The following CCDC148 variants were observed in gnomAD, a reference collection of about 807,000 sequenced individuals.
CCDC148 encodes the protein coiled-coil domain-containing protein 148.
Under a neutral mutation model 85.7 loss-of-function variants are expected in CCDC148, and 89 were observed. That is an observed-to-expected ratio of 1.04 (90% CI 0.87 to 1.24). The LOEUF is 1.24. Among genes scored for constraint, CCDC148 ranks in the 50% most tolerant of loss-of-function variants. The pLI, the probability that CCDC148 is intolerant of heterozygous loss-of-function variation, is 0.00. For synonymous variants in CCDC148, 230 were observed against 213.9 expected, an observed-to-expected ratio of 1.08 and a Z score of -0.66; for missense variants, 692 against 671.7, an observed-to-expected ratio of 1.03 and a Z score of -0.33.
At chr2:158,302,161 T>C (rs1168213921) in intron 9 of CCDC148, among the ~76,000 whole-genome samples, 1 of 152,050 alleles carries the variant, frequency 6.6e-6, no homozygotes, top group Non-Finnish European at 1.5e-5. Flanking sequence ...ACACCCTTCA[T>C]CTAGAGGAAG....
At position 158,202,507 on chromosome 2, in the gene CCDC148, C is replaced by T. The variant is rs138978650; in HGVS notation, c.1370+18088G>A. ...TTTAAGCAGCAATACTGATGTTCCC[C>T]GCTTCTTCCACCATCCTGCTAGACC... On this transcript the variant is annotated intron_variant, in intron 11 of 13. Coordinates refer to ENST00000283233, the MANE Select transcript of CCDC148 (RefSeq NM_138803.4). Among the ~76,000 whole-genome samples, 271 of 152,262 alleles carry T rather than the reference C, an allele frequency of 1.8e-3. 4 individuals carry two copies. The highest frequency in any genetic ancestry group is 0.017 in the East Asian group (89 of 5,168).
At chr2:158,278,194 G>A (rs972760160) in intron 9 of CCDC148, among the ~76,000 whole-genome samples, 7 of 152,150 alleles carry the variant, frequency 4.6e-5, no homozygotes, top group African/African-American at 1.7e-4. Context: ...CCCAGTGTGA[G>A]TGACGCAGAA....
chr2:158,280,184 A>T (rs1248566914), intron 9 of CCDC148, among the ~76,000 whole-genome samples: 1 of 152,246 alleles, frequency 6.6e-6, no homozygotes, highest in Non-Finnish European at 1.5e-5. Context: ...GCCAAAATGT[A>T]AAGAGCATCG....
intron 2 of CCDC148, among the ~76,000 whole-genome samples, chr2:158,356,945 A>G (rs1464171910): frequency 6.8e-6 from 1 of 148,126 alleles, no homozygotes; most frequent in Non-Finnish European, 1.5e-5. Context: ...CATGGATGAA[A>G]TTGGAAAACA....
At chr2:158,199,947 AT>A (rs1685869251) in intron 11 of CCDC148, among the ~76,000 whole-genome samples, 2 of 152,312 alleles carry the variant, frequency 1.3e-5, no homozygotes, top group Non-Finnish European at 2.9e-5. Context: ...GTGAAATGGC[AT>A]TGATTTTATA....
rs1165141426 is a variant in CCDC148 at position 158,374,921 on chromosome 2, T to C, written c.26-16351A>G. ...CTTTAAATCATCTCTAACTTATTTATAATACCTAATACAAGGTAAATTCTA... is the reference window on the plus strand; with the variant it reads ...CTTTAAATCATCTCTAACTTATTTACAATACCTAATACAAGGTAAATTCTA... On this transcript the variant is annotated intron_variant, in intron 1 of 13. Coordinates refer to ENST00000283233, the MANE Select transcript of CCDC148 (RefSeq NM_138803.4). 1.3e-5 allele frequency among the ~76,000 whole-genome samples: 2 copies of C among 152,004 alleles called. 1 individual carries two copies. The highest frequency in any genetic ancestry group is 6.3e-3 in the Middle Eastern group (2 of 316).
chr2:158,423,211 A>G (rs1051123115), intron 1 of CCDC148, among the ~76,000 whole-genome samples: 2 of 152,188 alleles, frequency 1.3e-5, no homozygotes, highest in African/African-American at 4.8e-5. Flanking sequence ...GACTTTCTTC[A>G]CAGAATTGGA....
At chr2:158,221,747 C>T (rs1465098887) in intron 10 of CCDC148, among the ~76,000 whole-genome samples, 1 of 152,168 alleles carries the variant, frequency 6.6e-6, no homozygotes, top group East Asian at 1.9e-4. Flanking sequence ...AACTCTGCAG[C>T]CACAATAGCA....
At chr2:158,205,402 A>G (rs984153277) in intron 11 of CCDC148, among the ~76,000 whole-genome samples, 2 of 152,176 alleles carry the variant, frequency 1.3e-5, no homozygotes, top group African/African-American at 4.8e-5. Flanking sequence ...GTGAAGTGCC[A>G]GGGAGACATC....
chr2:158,324,243 T>C (rs1692658353), intron 7 of CCDC148, among the ~76,000 whole-genome samples: 1 of 152,114 alleles, frequency 6.6e-6, no homozygotes, highest in African/African-American at 2.4e-5. Flanking sequence ...ATTGTTTATT[T>C]GGGTGAATAA....
chr2:158,334,572 C>T (rs1157014691), intron 7 of CCDC148, among the ~76,000 whole-genome samples: 2 of 79,092 alleles, frequency 2.5e-5, no homozygotes. Flanking sequence ...TTCTTCATAT[C>T]TTAACGCACC....
intron 11 of CCDC148, among the ~76,000 whole-genome samples, chr2:158,201,028 C>A (rs1168011758): frequency 6.6e-6 from 1 of 152,116 alleles, no homozygotes; most frequent in Non-Finnish European, 1.5e-5. Context: ...CCTGTTCCTT[C>A]AGGTGGGAAA....
intron 1 of CCDC148, among the ~76,000 whole-genome samples, chr2:158,384,793 G>A (rs1418934737): frequency 6.6e-6 from 1 of 152,100 alleles, no homozygotes; most frequent in Non-Finnish European, 1.5e-5. Flanking sequence ...CCTTCAAGCT[G>A]GCTTCTGTGC....
rs182022435 is a variant in CCDC148, at chr2:158,310,064, C to G, written c.904-425G>C. On this transcript the variant is annotated intron_variant, in intron 8 of 13. Transcript: ENST00000283233. ...GTCTCTGGTTTTCCTAGGCAGAGGA[C>G]CCTGCAGCCTTCCACAGTGTTTGTG... Among the ~76,000 whole-genome samples, 797 of 152,238 alleles carry G rather than the reference C, an allele frequency of 5.2e-3. 3 individuals are homozygous for G. The highest frequency in any genetic ancestry group is 0.018 in the African/African-American group (768 of 41,532).
chr2:158,439,692 T>C (rs553928931), intron 1 of CCDC148, among the ~76,000 whole-genome samples: 8 of 152,036 alleles, frequency 5.3e-5, no homozygotes, highest in Non-Finnish European at 1.0e-4. Flanking sequence ...CAACATGATA[T>C]CCAAAAAAGA....
At chr2:158,395,338 G>A (rs1685478604) in intron 1 of CCDC148, among the ~76,000 whole-genome samples, 1 of 152,068 alleles carries the variant, frequency 6.6e-6, no homozygotes, top group Non-Finnish European at 1.5e-5. Context: ...TATTTCTGAA[G>A]AGCCACTTCC....
chr2:158,219,494 T>C (rs1009504368), intron 11 of CCDC148, among the ~76,000 whole-genome samples: 10 of 152,196 alleles, frequency 6.6e-5, no homozygotes, highest in African/African-American at 2.4e-4. Context: ...ATTTCCTTCC[T>C]GGTTTGTGTG....
intron 1 of CCDC148, among the ~76,000 whole-genome samples, chr2:158,434,493 A>G (rs1336717824): frequency 2.0e-5 from 3 of 152,228 alleles, no homozygotes; most frequent in Non-Finnish European, 4.4e-5. Flanking sequence ...AGAAGACCAA[A>G]GGTAGATAAA....
chr2:158,298,170 G>A (rs1691280018), intron 9 of CCDC148, among the ~76,000 whole-genome samples: 1 of 152,102 alleles, frequency 6.6e-6, no homozygotes, highest in Admixed American at 6.6e-5. Flanking sequence ...ACAGGATGGG[G>A]GAAACCACTC....
Sources: gnomAD v4.1 joint callset for allele counts (sites outside exome capture counted in the v4.1 genomes callset) on GRCh38, gnomAD v4.1.1 for gene constraint, MANE v1.5 for transcripts, NCBI Gene and HGNC (gene_info 2026-07-23, HGNC 2026-07-21) for gene names.